Variants in VANGL2 observed in about 807,000 individuals in gnomAD.
The protein encoded by VANGL2 is vang-like protein 2.
VANGL2 carries 14 observed loss-of-function variants against 50.2 expected under a neutral mutation model. The observed-to-expected ratio is 0.28, with a 90% confidence interval of 0.18 to 0.44. The LOEUF is 0.44. VANGL2 is among the 20% of genes least tolerant of loss of function. The probability of loss-of-function intolerance (pLI) is 1.00; values close to 1 mark genes in which losing one functional copy is unlikely to be tolerated. For missense variants in VANGL2, 533 were observed against 701.5 expected (o/e 0.76, Z 2.71); for synonymous variants, 295 against 297.2 (o/e 0.99, Z 0.08).
chr1:160,426,951 C>G lies in VANGL2; in HGVS notation c.*1573C>G, dbSNP rs1348471918. ...TGGGAGGCTCCCCCTCTGTGTAGCA[C>G]CAGCCCTGGGAATGATGGAGCCTAG... is the stretch of plus-strand genomic sequence containing the variant. On this transcript the variant is annotated 3_prime_UTR_variant, in exon 8 of 8. Transcript: ENST00000368061. 6.6e-6 allele frequency: 1 copy of G among 152,458 alleles called. No individual in the cohort carries two copies. The highest frequency in any genetic ancestry group is 6.5e-5 in the Admixed American group (1 of 15,294). 9.4% of individuals were successfully genotyped at this position (152,458 alleles called of 1,614,324 possible).
rs762640914 is a variant in VANGL2 at position 160,420,444 on chromosome 1, G to T, written c.834G>T (p.Lys278Asn). 4.3e-6 allele frequency: 7 copies of T among 1,613,802 alleles called. No homozygotes were observed. In the Admixed American group the frequency reaches 1.2e-4, roughly 27 times the overall value. The change falls in exon 5 of 8, where the codon AAG becomes AAT. Residue 278 changes from lysine (K) to asparagine (N), a missense_variant. Coordinates refer to ENST00000368061, the MANE Select transcript of VANGL2 (RefSeq NM_020335.3). ...GCGTGGCAGTGTGGATCCTGGAGAA[G>T]TATTACCATGACTTCCCTGTCTACA... ...IQRVAVWILE[K>N]YYHDFPVYNP...
At position 160,425,455 on chromosome 1, in the gene VANGL2, C is replaced by A; in HGVS notation, c.*77C>A. 1.9e-6 allele frequency: 2 copies of A among 1,065,884 alleles called. No individual in the cohort carries two copies. Among genetic ancestry groups the A allele is most frequent in the Non-Finnish European group, 2.6e-6 (2 of 766,702 alleles). 66.0% of individuals were successfully genotyped at this position (1,065,884 alleles called of 1,614,324 possible). On this transcript the variant is annotated 3_prime_UTR_variant, in exon 8 of 8. Transcript: ENST00000368061. ...GAGGGGGCTTGGTTCTCAGGCCCAG[C>A]CACATTCCTGCCACCCTTCTTCTTC... is the stretch of plus-strand genomic sequence containing the variant.
At chr1:160,414,907 G>C (rs1343940359) in intron 1 of VANGL2, among the ~76,000 whole-genome samples, 1 of 152,100 alleles carries the variant, frequency 6.6e-6, no homozygotes, top group African/African-American at 2.4e-5. Context: ...GGTGAAGTAT[G>C]GTTGAAGATA....
rs1651467362 is a variant in VANGL2 at position 160,426,679 on chromosome 1, A to G, written c.*1301A>G. 1 of 152,618 alleles carries G rather than the reference A, an allele frequency of 6.6e-6. No individual in the cohort carries two copies. Among genetic ancestry groups the G allele is most frequent in the Admixed American group, 6.5e-5 (1 of 15,288 alleles). 9.5% of individuals were successfully genotyped at this position (152,618 alleles called of 1,614,324 possible). On this transcript the variant is annotated 3_prime_UTR_variant, in exon 8 of 8. Transcript: ENST00000368061. The stretch of plus-strand genomic sequence containing the variant: ...TTTGAGCAAAATTTGCTGGCCCTCT[A>G]ATAAATATTTTCAATATAAATCTGA...
intron 7 of VANGL2, among the ~76,000 whole-genome samples, 179 bp downstream of exon 7, chr1:160,424,462 G>T (rs1043573754): frequency 3.9e-5 from 6 of 152,058 alleles, no homozygotes; most frequent in African/African-American, 1.5e-4. Flanking sequence ...TCTGTGTGGG[G>T]TGAAGTCTTT....
Position 160,425,524 on chromosome 1 carries a change from C to A in VANGL2, c.*146C>A. ...TTGAATTAACGCACCCCCACCTTCT[C>A]TCCTCGCTTCTTCCTTATTTTACCC... On this transcript the variant is annotated 3_prime_UTR_variant, in exon 8 of 8. Transcript: ENST00000368061. The A allele has an allele frequency of 1.3e-6, 1 of 761,136 alleles. No homozygotes were observed. The highest frequency in any genetic ancestry group is 2.1e-6 in the Non-Finnish European group (1 of 485,816). 47.1% of individuals were successfully genotyped at this position (761,136 alleles called of 1,614,324 possible). A position where few individuals can be genotyped will look rare whatever the true frequency, so the allele number is the denominator to read the frequency against.
intron 6 of VANGL2, among the ~76,000 whole-genome samples, chr1:160,422,761 A>G (rs909721036): frequency 6.6e-6 from 1 of 152,140 alleles, no homozygotes; most frequent in Non-Finnish European, 1.5e-5. Context: ...CTTTTCCTCC[A>G]GTTCCCACTT....
chr1:160,410,260 C>T (rs539422479), intron 1 of VANGL2, among the ~76,000 whole-genome samples: 2 of 152,254 alleles, frequency 1.3e-5, no homozygotes, highest in East Asian at 3.9e-4. Context: ...CAAACCCAAG[C>T]ACCCTTCTCA....
rs202111490 is a variant in VANGL2 at position 160,424,140 on chromosome 1, C to T, written c.1162C>T (p.Arg388Trp). 2.4e-5 allele frequency: 38 copies of T among 1,614,020 alleles called. 1 individual carries two copies. The Admixed American group carries it at 4.5e-4, about 19-fold the overall frequency. Reference protein sequence around the residue: ...QKNPREVMDPREAAQAIFASM... With the variant: ...QKNPREVMDPWEAAQAIFASM... ...AAACCCCAGGGAGGTGATGGACCCC[C>T]GGGAGGCAGCCCAAGCCATCTTTGC... The change falls in exon 7 of 8, where the codon CGG becomes TGG. Residue 388 changes from arginine to tryptophan, a missense_variant. By Grantham distance (101) the Arg-to-Trp change is moderately radical. Coordinates refer to ENST00000368061, the MANE Select transcript of VANGL2 (RefSeq NM_020335.3).
At position 160,419,466 on chromosome 1, in the gene VANGL2, C is replaced by T. The variant is rs779755960; in HGVS notation, c.657C>T (p.Ala219=). The stretch of plus-strand genomic sequence containing the variant: ...GCTACCAGGGCGTGGTGCAGTTCGC[C>T]GTGTCGCTGGTGGACGCCCTTCTTT... The part of the protein sequence containing the change: ...ERSYQGVVQF[A]VSLVDALLFV... Residue 219 remains alanine (A), a synonymous_variant, in exon 4 of 8, where the codon GCC becomes GCT. Coordinates refer to ENST00000368061, the MANE Select transcript of VANGL2 (RefSeq NM_020335.3). The surrounding 1 kb of genome is among the most constrained non-coding windows in gnomAD (Gnocchi z 5.8). The T allele has an allele frequency of 4.4e-6, 7 of 1,608,606 alleles. No individual in the cohort carries two copies. The highest frequency in any genetic ancestry group is 1.1e-5 in the South Asian group (1 of 91,082).
At chr1:160,406,916 C>T (rs910820798) in intron 1 of VANGL2, among the ~76,000 whole-genome samples, 2 of 151,934 alleles carry the variant, frequency 1.3e-5, no homozygotes, top group African/African-American at 4.8e-5. Flanking sequence ...TTTGGAGAGG[C>T]GGGGTTTCAC....
intron 1 of VANGL2, among the ~76,000 whole-genome samples, chr1:160,409,464 A>AAAGGGG (rs1433604888): frequency 6.6e-6 from 1 of 152,052 alleles, no homozygotes; most frequent in Admixed American, 6.6e-5. Flanking sequence ...AGGGAAAGGG[A>AAAGGGG]AAGGGGAAGG....
Position 160,420,289 on chromosome 1 carries a change from G to A in VANGL2, c.801-122G>A, listed in dbSNP as rs766487893. 228 of 1,347,384 alleles carry A rather than the reference G, an allele frequency of 1.7e-4. 2 individuals are homozygous for A. Among genetic ancestry groups the A allele is most frequent in the Non-Finnish European group, 1.2e-4 (114 of 955,330 alleles). 83.5% of individuals were successfully genotyped at this position (1,347,384 alleles called of 1,614,324 possible). A position where few individuals can be genotyped will look rare whatever the true frequency, so the allele number is the denominator to read the frequency against. Reference sequence around the variant, plus strand: ...CCTCAGGCCCGGAGTCAGGCTTCTCGGAAGCAGCTTGTCCCTGTCCTGTGT... The same window carrying A: ...CCTCAGGCCCGGAGTCAGGCTTCTCAGAAGCAGCTTGTCCCTGTCCTGTGT... On this transcript the variant is annotated intron_variant, in intron 4 of 7. Transcript: ENST00000368061.
At chr1:160,407,672 A>G (rs1650727917) in intron 1 of VANGL2, among the ~76,000 whole-genome samples, 1 of 152,160 alleles carries the variant, frequency 6.6e-6, no homozygotes, top group African/African-American at 2.4e-5. Context: ...AGAGGGGGGC[A>G]TTTGTTTTTG....
rs533556952 is a variant in VANGL2 at position 160,423,950 on chromosome 1, G to A, written c.1074-102G>A. Reference sequence around the variant, plus strand: ...TGTATTACTTTGGGTGAGCACAAAGGCCTGACCTCATTCAGGCTGCTGGAG... The same window carrying A: ...TGTATTACTTTGGGTGAGCACAAAGACCTGACCTCATTCAGGCTGCTGGAG... On this transcript the variant is annotated intron_variant, in intron 6 of 7. Coordinates refer to ENST00000368061, the MANE Select transcript of VANGL2 (RefSeq NM_020335.3). 8.1e-5 allele frequency: 107 copies of A among 1,319,624 alleles called. No individual in the cohort carries two copies. In the South Asian group the frequency reaches 1.2e-3, roughly 15 times the overall value. 81.7% of individuals were successfully genotyped at this position (1,319,624 alleles called of 1,614,324 possible). A position where few individuals can be genotyped will look rare whatever the true frequency, so the allele number is the denominator to read the frequency against.
chr1:160,426,386 C>G lies in VANGL2; in HGVS notation c.*1008C>G, dbSNP rs918161803. The G allele has an allele frequency of 3.3e-5, 5 of 152,776 alleles. No homozygotes were observed. The highest frequency in any genetic ancestry group is 1.2e-4 in the African/African-American group (5 of 41,442). 9.5% of individuals were successfully genotyped at this position (152,776 alleles called of 1,614,324 possible). ...GCCGCCTTCTCTCGACTCCAGAGAC[C>G]TGTTGCCTCATCTCTTTTGGGGAAG... is the stretch of plus-strand genomic sequence containing the variant. On this transcript the variant is annotated 3_prime_UTR_variant, in exon 8 of 8. Transcript: ENST00000368061.
At chr1:160,424,966 C>T in intron 7 of VANGL2, 152 bp from the exon 8 acceptor site, 1 of 1,088,082 alleles carries the variant, frequency 9.2e-7, no homozygotes, top group South Asian at 1.3e-5. Context: ...TGATCTCAGG[C>T]CCCTTCCTGC....
chr1:160,410,696 ACACG>A (rs71579672), intron 1 of VANGL2, among the ~76,000 whole-genome samples: 40,034 of 149,086 alleles, frequency 0.27, 5,798 homozygotes, highest in Non-Finnish European at 0.33. Flanking sequence ...ACACACACAC[ACACG>A]CACGCACGCA....
In VANGL2 at chr1:160,420,422, T is replaced by C. The variant is rs748330035; in HGVS notation, c.812T>C (p.Val271Ala). 6.2e-7 allele frequency: 1 copy of C among 1,614,050 alleles called. No individual in the cohort carries two copies. Among genetic ancestry groups the C allele is most frequent in the South Asian group, 1.1e-5 (1 of 91,064 alleles). ...YNVGHLSIQR[V>A]AVWILEKYYH... Reference sequence around the variant, plus strand: ...CGTCTCCCCCACAGCATCCAGCGCGTGGCAGTGTGGATCCTGGAGAAGTAT... The same window carrying C: ...CGTCTCCCCCACAGCATCCAGCGCGCGGCAGTGTGGATCCTGGAGAAGTAT... Residue 271 changes from valine (V) to alanine (A), a missense_variant, in exon 5 of 8, where the codon GTG becomes GCG. Coordinates refer to ENST00000368061, the MANE Select transcript of VANGL2 (RefSeq NM_020335.3).
Sources: allele counts gnomAD v4.1 joint callset (sites outside exome capture counted in the v4.1 genomes callset), GRCh38; gene constraint gnomAD v4.1.1; non-coding constraint Gnocchi (gnomAD v3.1); transcripts MANE v1.5; gene names NCBI Gene and HGNC (gene_info 2026-07-23, HGNC 2026-07-21).